AGBL1: variants seen among roughly 807,000 people sequenced by gnomAD.
AGBL1 encodes the protein cytosolic carboxypeptidase 4.
A neutral mutation model predicts 118.9 loss-of-function variants in AGBL1; 130 were observed. The ratio of observed to expected loss-of-function variants is 1.09; its 90% CI spans 0.95 to 1.26. AGBL1 has a LOEUF of 1.26. Among genes scored for constraint, AGBL1 ranks in the 50% most tolerant of loss-of-function variants. The probability of loss-of-function intolerance (pLI) is 0.00; values close to 1 mark genes in which losing one functional copy is unlikely to be tolerated. For synonymous variants in AGBL1, 555 were observed against 478.9 expected, an observed-to-expected ratio of 1.16 and a Z score of -2.08; for missense variants, 1,584 against 1,298.1, an observed-to-expected ratio of 1.22 and a Z score of -3.38.
chr15:86,801,734 A>G (rs534734992), intron 22 of AGBL1, among the ~76,000 whole-genome samples: 9 of 152,280 alleles, frequency 5.9e-5, no homozygotes, highest in African/African-American at 1.9e-4. Context: ...AGATGCTACC[A>G]GTACATTTTA....
intron 19 of AGBL1, among the ~76,000 whole-genome samples, chr15:86,530,033 G>A (rs1254345597): frequency 7.7e-6 from 1 of 129,098 alleles, no homozygotes; most frequent in Non-Finnish European, 1.5e-5. Flanking sequence ...ATCGAGACTA[G>A]GAAGAAACTG....
intron 17 of AGBL1, among the ~76,000 whole-genome samples, chr15:86,357,995 T>C (rs2080747936): frequency 6.6e-6 from 1 of 152,120 alleles, no homozygotes; most frequent in Admixed American, 6.5e-5. Context: ...CTAATTAATA[T>C]ATCTATCACC....
At chr15:86,553,754 C>A (rs2083694004) in intron 20 of AGBL1, among the ~76,000 whole-genome samples, 1 of 152,126 alleles carries the variant, frequency 6.6e-6, no homozygotes, top group South Asian at 2.1e-4. Context: ...ATGTGTGCAG[C>A]CTTGGTCCAT....
In AGBL1 at chr15:86,458,965, C is replaced by T. The variant is rs76381229; in HGVS notation, c.2555+61419C>T. ...TGCTACATGTCTCGTTAATTACTAA[C>T]GTATCACTGTACTCACCTTTTGCCT... On this transcript the variant is annotated intron_variant, in intron 18 of 22. Coordinates refer to ENST00000614907, the MANE Select transcript of AGBL1 (RefSeq NM_001386094.1). 5.5e-3 allele frequency among the ~76,000 whole-genome samples: 837 copies of T among 152,276 alleles called. 6 individuals are homozygous for T. The highest frequency in any genetic ancestry group is 0.019 in the African/African-American group (777 of 41,566).
chr15:86,099,444 G>A (rs566169143), intron 1 of AGBL1, among the ~76,000 whole-genome samples: 4 of 151,858 alleles, frequency 2.6e-5, no homozygotes, highest in Admixed American at 1.3e-4. Flanking sequence ...TTATCAGCTC[G>A]AAAAGTTTTT....
chr15:86,400,622 C>G (rs1027490590), intron 18 of AGBL1, among the ~76,000 whole-genome samples: 4 of 147,846 alleles, frequency 2.7e-5, no homozygotes, highest in African/African-American at 7.5e-5. Flanking sequence ...ACTCTTCCCC[C>G]ACAAGTCCCC....
chr15:86,230,677 TC>T (rs2078441563), intron 6 of AGBL1, among the ~76,000 whole-genome samples: 1 of 152,256 alleles, frequency 6.6e-6, no homozygotes, highest in South Asian at 2.1e-4. Flanking sequence ...GGCTGTCTCA[TC>T]CAGGGATATT....
chr15:86,442,987 A>G (rs8043163), intron 18 of AGBL1, among the ~76,000 whole-genome samples: 150,156 of 152,316 alleles, frequency 0.99, 74,028 homozygotes, highest in East Asian at 1. Context: ...TGGGGGCAGG[A>G]TCGTGGGTGT....
chr15:86,468,992 G>A (rs2082442793), intron 18 of AGBL1, among the ~76,000 whole-genome samples: 1 of 152,092 alleles, frequency 6.6e-6, no homozygotes, highest in Non-Finnish European at 1.5e-5. Flanking sequence ...ACAATGTGAT[G>A]TTTAGATATA....
At chr15:86,299,305 A>C in intron 17 of AGBL1, among the ~76,000 whole-genome samples, 1 of 152,094 alleles carries the variant, frequency 6.6e-6, no homozygotes. Context: ...ATTATGGAAG[A>C]GGGGGGCTTA....
chr15:86,565,586 A>C (rs2083900940), intron 21 of AGBL1, among the ~76,000 whole-genome samples: 2 of 152,226 alleles, frequency 1.3e-5, no homozygotes, highest in African/African-American at 4.8e-5. Flanking sequence ...TCAAGGACCC[A>C]CTTGAGGAGG....
intron 24 of AGBL1, among the ~76,000 whole-genome samples, chr15:86,992,210 C>G (rs764932648): frequency 1.6e-4 from 24 of 152,008 alleles, no homozygotes; most frequent in African/African-American, 5.3e-4. Flanking sequence ...CTCATGTGCT[C>G]TCAGATTGAG....
chr15:86,415,177 T>A (rs1008520669), intron 18 of AGBL1, among the ~76,000 whole-genome samples: 1 of 152,176 alleles, frequency 6.6e-6, no homozygotes, highest in Non-Finnish European at 1.5e-5. Context: ...AGCCTTTCCT[T>A]TGTACTCCCC....
At chr15:86,684,122 A>C (rs1429858772) in intron 22 of AGBL1, among the ~76,000 whole-genome samples, 3 of 152,168 alleles carry the variant, frequency 2.0e-5, no homozygotes, top group Non-Finnish European at 4.4e-5. Context: ...GAGGGAGGCT[A>C]ATGAACAGGA....
chr15:86,809,634 G>A (rs967309699), intron 22 of AGBL1, among the ~76,000 whole-genome samples: 1 of 152,150 alleles, frequency 6.6e-6, no homozygotes, highest in African/African-American at 2.4e-5. Flanking sequence ...GTTGAGAAAT[G>A]CAGGCAGTCC....
At chr15:86,719,205 C>T (rs1156302078) in intron 22 of AGBL1, among the ~76,000 whole-genome samples, 3 of 152,176 alleles carry the variant, frequency 2.0e-5, no homozygotes, top group African/African-American at 7.2e-5. Context: ...GATTCACTCA[C>T]TCAATGGCTT....
intron 18 of AGBL1, among the ~76,000 whole-genome samples, chr15:86,471,924 C>A (rs1330913015): frequency 6.6e-6 from 1 of 152,110 alleles, no homozygotes; most frequent in Non-Finnish European, 1.5e-5. Flanking sequence ...AATGAGATTA[C>A]CCTAGTTTAT....
intron 18 of AGBL1, among the ~76,000 whole-genome samples, chr15:86,433,497 A>G (rs1316553203): frequency 6.6e-6 from 1 of 152,104 alleles, no homozygotes; most frequent in Non-Finnish European, 1.5e-5. Context: ...TCTGTCTAAG[A>G]AAACCAGTTG....
At chr15:86,545,003 C>T (rs9920342) in intron 19 of AGBL1, among the ~76,000 whole-genome samples, 92,538 of 152,088 alleles carry the variant, frequency 0.61, 28,989 homozygotes, top group East Asian at 0.88. Flanking sequence ...TTAGGAGGAA[C>T]GTACTTACCT....
Sources: allele counts gnomAD v4.1 joint callset (sites outside exome capture counted in the v4.1 genomes callset), GRCh38; gene constraint gnomAD v4.1.1; transcripts MANE v1.5; gene names NCBI Gene and HGNC (gene_info 2026-07-23, HGNC 2026-07-21).